Variants in PLCH1 observed in about 807,000 individuals in gnomAD.
PLCH1 encodes phospholipase C eta 1.
In PLCH1, 60 loss-of-function variants were observed where a neutral mutation model predicts 126.7. The observed-to-expected ratio is 0.47, with a 90% CI of 0.38 to 0.59. The LOEUF (loss-of-function observed/expected upper bound fraction) is 0.59, where lower values mean the gene tolerates loss of function less well. Among genes scored for constraint, PLCH1 ranks in the 20% least tolerant of loss-of-function variants. PLCH1 has a pLI of 0.00. For synonymous variants in PLCH1, 719 were observed against 734.9 expected (o/e 0.98, Z 0.35); for missense variants, 1,723 against 2,040.0 (o/e 0.84, Z 2.99).
chr3:155,494,360 G>A lies in PLCH1; in HGVS notation c.2052C>T (p.Tyr684=), dbSNP rs750831397. Residue 684 remains tyrosine (Y), a synonymous_variant, in exon 16 of 23, where the codon TAC becomes TAT. Transcript: ENST00000460012. ...IDSSNFNPLP[Y]WNAGCQLVAL... ...CACCTAGCTGGCAGCCTGCGTTCCA[G>A]TAGGGGAGAGGGTTGAAGTTACTGG... The A allele has an allele frequency of 1.2e-6, 2 of 1,614,174 alleles. No individual in the cohort carries two copies. Among genetic ancestry groups the A allele is most frequent in the Non-Finnish European group, 1.7e-6 (2 of 1,180,014 alleles).
At chr3:155,606,473 C>T (rs1734377340) in intron 2 of PLCH1, among the ~76,000 whole-genome samples, 1 of 152,126 alleles carries the variant, frequency 6.6e-6, no homozygotes, top group Non-Finnish European at 1.5e-5. Flanking sequence ...AACTTTCAGC[C>T]TTGGTGTGTA....
chr3:155,706,071 G>T (rs968103918), intron 1 of PLCH1, among the ~76,000 whole-genome samples: 1 of 150,728 alleles, frequency 6.6e-6, no homozygotes, highest in African/African-American at 2.4e-5. Context: ...CTATTCGGGA[G>T]GCTAAGGCAG....
At chr3:155,663,049 A>T (rs1742356797) in intron 2 of PLCH1, among the ~76,000 whole-genome samples, 2 of 152,174 alleles carry the variant, frequency 1.3e-5, no homozygotes, top group African/African-American at 4.8e-5. Flanking sequence ...AAAAATCTCC[A>T]ATGTTTTATA....
At position 155,524,084 on chromosome 3, in the gene PLCH1, A is replaced by G. The variant is rs781140175; in HGVS notation, c.1363-80T>C. 1.7e-5 allele frequency: 14 copies of G among 835,156 alleles called. No homozygotes were observed. In the African/African-American group the frequency reaches 1.9e-4, roughly 11 times the overall value. 51.7% of individuals were successfully genotyped at this position (835,156 alleles called of 1,614,324 possible). A position where few individuals can be genotyped will look rare whatever the true frequency, so the allele number is the denominator to read the frequency against. On this transcript the variant is annotated intron_variant, in intron 10 of 22. Coordinates refer to ENST00000460012, the MANE Select transcript of PLCH1 (RefSeq NM_014996.4). Reference sequence around the variant, plus strand: ...AAAGGTGGAAGTAACCCAAGCATCCATTGATGGATGAGAGGATAAACAAAA... The same window carrying G: ...AAAGGTGGAAGTAACCCAAGCATCCGTTGATGGATGAGAGGATAAACAAAA...
chr3:155,595,602 T>A (rs913174973), intron 3 of PLCH1, among the ~76,000 whole-genome samples: 2 of 152,232 alleles, frequency 1.3e-5, no homozygotes, highest in African/African-American at 4.8e-5. Context: ...CAAACTGAGC[T>A]ACACCAACAG....
At position 155,490,801 on chromosome 3, in the gene PLCH1, C is replaced by T. The variant is rs1349546972; in HGVS notation, c.2375G>A (p.Arg792His). The T allele has an allele frequency of 4.4e-6, 7 of 1,580,924 alleles. No individual in the cohort carries two copies. The highest frequency in any genetic ancestry group is 4.3e-6 in the Non-Finnish European group (5 of 1,150,610). Residue 792 changes from arginine to histidine, a missense_variant, in exon 19 of 23, where the codon CGT becomes CAT. Physicochemically the swap from Arg to His is conservative, Grantham distance 29. Transcript: ENST00000460012. ...CATCTTACCATTGTCATCTACCACA[C>T]GGGTTTGATCTTTACAACAATCTAC... is the stretch of plus-strand genomic sequence containing the variant. ...LPVDCCKDQT[R>H]VVDDNGFNPV...
chr3:155,492,762 T>C lies in PLCH1; in HGVS notation c.2274A>G (p.Lys758=). ...LKVISGQQLP[K]PPDSMFGDRG... is the part of the protein sequence containing the mutation. ...GATCTCCAAACATGGAGTCTGGAGG[T>C]TTGGGGAGTTGCTGTCCACTGATAA... is the stretch of plus-strand genomic sequence containing the variant. Residue 758 remains lysine (K), a synonymous_variant, in exon 18 of 23, where the codon AAA becomes AAG. Transcript: ENST00000460012. The C allele has an allele frequency of 5.0e-6, 8 of 1,604,394 alleles. No homozygotes were observed. The highest frequency in any genetic ancestry group is 6.8e-6 in the Non-Finnish European group (8 of 1,175,946).
At chr3:155,713,952 T>C (rs1266078276) in intron 1 of PLCH1, among the ~76,000 whole-genome samples, 1 of 152,208 alleles carries the variant, frequency 6.6e-6, no homozygotes, top group Non-Finnish European at 1.5e-5. Context: ...AGGTATCAGT[T>C]GTGTAGCATT....
chr3:155,624,044 T>A (rs974549053), intron 2 of PLCH1, among the ~76,000 whole-genome samples: 3 of 152,154 alleles, frequency 2.0e-5, no homozygotes, highest in African/African-American at 7.2e-5. Flanking sequence ...TCAAAAAGCT[T>A]ATCCACTACA....
intron 10 of PLCH1, among the ~76,000 whole-genome samples, chr3:155,531,009 AAGG>A (rs1038506763): frequency 1.3e-5 from 2 of 152,212 alleles, no homozygotes; most frequent in African/African-American, 4.8e-5. Context: ...AATATTTTGA[AAGG>A]AATCTTTTTT....
chr3:155,739,576 T>A (rs997477059), intron 1 of PLCH1, among the ~76,000 whole-genome samples: 1 of 152,130 alleles, frequency 6.6e-6, no homozygotes, highest in Non-Finnish European at 1.5e-5. Flanking sequence ...AGACAGCTTA[T>A]CAGAAACTCT....
chr3:155,594,223 C>A (rs1475757939), intron 3 of PLCH1, 39 bp from the exon 4 acceptor site: 4 of 1,575,936 alleles, frequency 2.5e-6, no homozygotes, highest in Admixed American at 1.7e-5. Flanking sequence ...ATACAGCAGG[C>A]AAAGATACTT....
At chr3:155,530,511 G>C (rs1382121496) in intron 10 of PLCH1, among the ~76,000 whole-genome samples, 7 of 151,898 alleles carry the variant, frequency 4.6e-5, no homozygotes, top group Admixed American at 4.6e-4. Context: ...TAGAGACGGG[G>C]TTTCACTGTG....
At chr3:155,458,910 C>T (rs892221810) in intron 21 of PLCH1, among the ~76,000 whole-genome samples, 11 of 152,176 alleles carry the variant, frequency 7.2e-5, no homozygotes, top group African/African-American at 2.7e-4. Context: ...TCTTTTCCCC[C>T]TTACTCTTGC....
chr3:155,709,111 C>A (rs1746903324), intron 1 of PLCH1, among the ~76,000 whole-genome samples: 1 of 152,186 alleles, frequency 6.6e-6, no homozygotes, highest in Non-Finnish European at 1.5e-5. Flanking sequence ...GGCTTGAGAG[C>A]TCATTTCATC....
chr3:155,461,932 G>A (rs958495113), intron 21 of PLCH1, among the ~76,000 whole-genome samples: 2 of 152,170 alleles, frequency 1.3e-5, no homozygotes, highest in Non-Finnish European at 2.9e-5. Context: ...AAGGGCTCTG[G>A]GAACCAAAAG....
At chr3:155,452,104 G>A (rs1712322151) in intron 21 of PLCH1, among the ~76,000 whole-genome samples, 1 of 152,106 alleles carries the variant, frequency 6.6e-6, no homozygotes, top group Admixed American at 6.6e-5. Context: ...ACATACCCAA[G>A]ACTGGGAAGA....
At chr3:155,518,101 G>C (rs1720599110) in intron 11 of PLCH1, among the ~76,000 whole-genome samples, 1 of 152,166 alleles carries the variant, frequency 6.6e-6, no homozygotes, top group African/African-American at 2.4e-5. Context: ...ATCCCACGTG[G>C]GGTGGAGTAG....
rs796818041 is a variant in PLCH1 at position 155,458,453 on chromosome 3, GGAAAGAAAGAAAGAAAGAAA to G, written c.2938+26883_2938+26902del. ...AGGAAGGAAGGAAGGAAGGAAGGAA[GGAAAGAAAGAAAGAAAGAAA>G]GAAAGAAAGAAAGAAAGAAAGAAAG... On this transcript the variant is annotated intron_variant, in intron 21 of 21. Transcript: ENST00000494598. 1.4e-4 allele frequency among the ~76,000 whole-genome samples: 4 copies of G among 28,684 alleles called. 1 individual carries two copies. Among genetic ancestry groups the G allele is most frequent in the South Asian group, 3.1e-3 (2 of 642 alleles). The allele number at this position is 28,684 out of a possible 152,430, so 18.8% of individuals were successfully genotyped here. A position where few individuals can be genotyped will look rare whatever the true frequency, so the allele number is the denominator to read the frequency against.
Sources: gnomAD v4.1 joint callset for allele counts (sites outside exome capture counted in the v4.1 genomes callset) on GRCh38, gnomAD v4.1.1 for gene constraint, MANE v1.5 for transcripts, NCBI Gene and HGNC (gene_info 2026-07-23, HGNC 2026-07-21) for gene names.